The following MTFR2 variants were observed in gnomAD, a reference collection of about 807,000 sequenced individuals.
MTFR2 encodes DUF729 domain-containing protein 1.
A neutral mutation model predicts 41.2 loss-of-function variants in MTFR2; 44 were observed. The ratio of observed to expected loss-of-function variants is 1.07; its 90% CI spans 0.84 to 1.37. MTFR2 has a LOEUF of 1.37. Ranked by LOEUF, MTFR2 falls within the 40% of genes most tolerant of loss-of-function variation. MTFR2 has a pLI of 0.00. For missense variants in MTFR2, 452 were observed against 459.5 expected (o/e 0.98, Z 0.15); for synonymous variants, 141 against 154.6 (o/e 0.91, Z 0.65).
At position 136,231,310 on chromosome 6, in the gene MTFR2, T is replaced by C. The variant is rs1779748041; in HGVS notation, c.1123A>G (p.Ile375Val). 1 of 1,612,936 alleles carries C rather than the reference T, an allele frequency of 6.2e-7. No individual in the cohort carries two copies. Among genetic ancestry groups the C allele is most frequent in the East Asian group, 2.2e-5 (1 of 44,842 alleles). The change falls in exon 8 of 8, where the codon ATC becomes GTC. Residue 375 changes from isoleucine to valine, a missense_variant. Ile to Val is a conservative substitution (Grantham distance 29). Coordinates refer to ENST00000420702, the MANE Select transcript of MTFR2 (RefSeq NM_001099286.3). ...GAGTTTAGAAGGCTTGTGTTGCTGATACCTTGGTCAACAGCTTTTGTGTTG... is the reference window on the plus strand; with the variant it reads ...GAGTTTAGAAGGCTTGTGTTGCTGACACCTTGGTCAACAGCTTTTGTGTTG... ...MVNTKAVDQG[I>V]SNTSLLNSRI
intron 3 of MTFR2, among the ~76,000 whole-genome samples, chr6:136,243,688 G>C (rs927559322): frequency 6.7e-6 from 1 of 149,898 alleles, no homozygotes; most frequent in African/African-American, 2.5e-5. Context: ...ACTTCGTTCA[G>C]CCTGGGCGAC....
rs999871288 is a variant in MTFR2, at chr6:136,241,807, A to G, written c.282-131T>C. The G allele has an allele frequency of 4.9e-5, 35 of 711,218 alleles. No individual in the cohort carries two copies. In the African/African-American group the frequency reaches 5.7e-4, roughly 12 times the overall value. 44.1% of individuals were successfully genotyped at this position (711,218 alleles called of 1,614,324 possible). ...TAAAAGCTACTCTCAGGCCGGGCAC[A>G]GTGGCTCACACCTGTAATCCCAACA... On this transcript the variant is annotated intron_variant, in intron 4 of 7. Coordinates refer to ENST00000420702, the MANE Select transcript of MTFR2 (RefSeq NM_001099286.3).
At chr6:136,246,637 A>G (rs2128459470) in intron 2 of MTFR2, among the ~76,000 whole-genome samples, 1 of 152,150 alleles carries the variant, frequency 6.6e-6, no homozygotes, top group South Asian at 2.1e-4. Context: ...TAGTACCCAC[A>G]TTTTGACTTT....
intron 2 of MTFR2, among the ~76,000 whole-genome samples, chr6:136,245,919 T>C (rs1780201150): frequency 6.6e-6 from 1 of 152,196 alleles, no homozygotes. Flanking sequence ...AATTCAGATA[T>C]TTTGAGTACT....
At chr6:136,240,016 G>A (rs1780014214) in intron 5 of MTFR2, among the ~76,000 whole-genome samples, 196 bp from the exon 6 acceptor site, 2 of 152,124 alleles carry the variant, frequency 1.3e-5, no homozygotes, top group African/African-American at 4.8e-5. Flanking sequence ...TTTTAATCCA[G>A]TTAGGAATTT....
intron 1 of MTFR2, 82 bp from the exon 2 acceptor site, chr6:136,249,235 T>A (rs1780298050): frequency 1.7e-6 from 1 of 576,962 alleles, no homozygotes; most frequent in African/African-American, 2.0e-5. Context: ...GTCCTCTTGA[T>A]ACACGACACA....
intron 7 of MTFR2, among the ~76,000 whole-genome samples, chr6:136,232,544 G>A (rs765975188): frequency 3.9e-5 from 6 of 152,020 alleles, no homozygotes; most frequent in Non-Finnish European, 7.4e-5. Context: ...GACCACGCCC[G>A]GCCCTGTTAC....
At chr6:136,232,861 A>C (rs1175721051) in intron 7 of MTFR2, among the ~76,000 whole-genome samples, 1 of 152,250 alleles carries the variant, frequency 6.6e-6, no homozygotes, top group Non-Finnish European at 1.5e-5. Flanking sequence ...ACTAAAGATA[A>C]CTATAATCCC....
chr6:136,231,386 A>C lies in MTFR2; in HGVS notation c.1047T>G (p.Phe349Leu), dbSNP rs780855809. 1 of 1,582,906 alleles carries C rather than the reference A, an allele frequency of 6.3e-7. No individual in the cohort carries two copies. Among genetic ancestry groups the C allele is most frequent in the African/African-American group, 1.4e-5 (1 of 73,850 alleles). The change falls in exon 8 of 8, where the codon TTT (phenylalanine) becomes TTG (leucine). Residue 349 changes from phenylalanine to leucine, a missense_variant and splice_region_variant. Coordinates refer to ENST00000420702, the MANE Select transcript of MTFR2 (RefSeq NM_001099286.3). ...CTTCTGACTGTGAAATGTGATGTCC[A>C]AACTGAAATAAAGCAAATATTTAAC... ...SPFSSPETSR[F>L]GHHISQSEGQ...
chr6:136,244,847 T>G lies in MTFR2; in HGVS notation c.86A>C (p.Lys29Thr). The change falls in exon 3 of 8, where the codon AAA becomes ACA. Residue 29 changes from lysine (K) to threonine (T), a missense_variant. Lys to Thr is a moderately conservative substitution (Grantham distance 78, BLOSUM62 -1). Coordinates refer to ENST00000420702, the MANE Select transcript of MTFR2 (RefSeq NM_001099286.3). ...VEQVLLIWEN[K>T]DYGSTRSIVR... ...AATACTCCTAGTTGATCCATAGTCT[T>G]TATTTTCCCAAATCAGCAAAACCTA... 6.2e-7 allele frequency: 1 copy of G among 1,610,676 alleles called. No homozygotes were observed. The highest frequency in any genetic ancestry group is 8.5e-7 in the Non-Finnish European group (1 of 1,178,726).
chr6:136,237,302 T>C (rs1779931969), intron 6 of MTFR2, among the ~76,000 whole-genome samples: 1 of 152,190 alleles, frequency 6.6e-6, no homozygotes, highest in East Asian at 1.9e-4. Flanking sequence ...TGCCTCATTT[T>C]AAATAAGAAT....
Position 136,244,787 on chromosome 6 carries a change from G to A in MTFR2, c.146C>T (p.Pro49Leu), listed in dbSNP as rs1449450836. ...TACCTCAAAATTAGGTCTTCGACAA[G>A]GTTCCAGTGGAAGCATTTTCCCAAT... ...RIIGKMLPLE[P>L]CRRPNFELIP... The change falls in exon 3 of 8, where the codon CCT becomes CTT. Residue 49 changes from proline to leucine, a missense_variant. Transcript: ENST00000420702. The A allele has an allele frequency of 1.2e-6, 2 of 1,611,856 alleles. No individual in the cohort carries two copies. The highest frequency in any genetic ancestry group is 3.3e-5 in the Admixed American group (2 of 59,752).
chr6:136,245,072 A>C (rs1040655091), intron 2 of MTFR2, among the ~76,000 whole-genome samples: 1 of 152,160 alleles, frequency 6.6e-6, no homozygotes, highest in Non-Finnish European at 1.5e-5. Flanking sequence ...CTTTGTGAGT[A>C]TTTGTCTTAA....
At chr6:136,233,183 C>A in intron 7 of MTFR2, 142 bp downstream of exon 7, 4 of 590,008 alleles carry the variant, frequency 6.8e-6, no homozygotes, top group South Asian at 3.9e-5. Flanking sequence ...ACAAAAAAAC[C>A]CCAGAAACAT....
chr6:136,241,648 T>C lies in MTFR2; in HGVS notation c.310A>G (p.Lys104Glu). ...CGCAAAGGATGAAAAATTTCCACTT[T>C]CTCTTCTTCATTTTTCCATATACTA... Reference protein sequence around the residue: ...RNSIWKNEEEKVEIFHPLRLV... With the variant: ...RNSIWKNEEEEVEIFHPLRLV... The change falls in exon 5 of 8, where the codon AAA (lysine) becomes GAA (glutamate). Residue 104 changes from lysine (K) to glutamate (E), a missense_variant. By Grantham distance (56) the Lys-to-Glu change is moderately conservative. Coordinates refer to ENST00000420702, the MANE Select transcript of MTFR2 (RefSeq NM_001099286.3). 2 of 1,612,588 alleles carry C rather than the reference T, an allele frequency of 1.2e-6. No homozygotes were observed. Among genetic ancestry groups the C allele is most frequent in the Non-Finnish European group, 1.7e-6 (2 of 1,179,700 alleles).
intron 6 of MTFR2, among the ~76,000 whole-genome samples, chr6:136,235,652 G>A (rs1332269189): frequency 6.6e-6 from 1 of 152,186 alleles, no homozygotes; most frequent in Non-Finnish European, 1.5e-5. Context: ...AAGTGCTCCA[G>A]GCTAGGCGCA....
intron 2 of MTFR2, chr6:136,247,487 T>C (rs1167408622): frequency 2.2e-6 from 1 of 456,200 alleles, no homozygotes; most frequent in Non-Finnish European, 4.4e-6. Flanking sequence ...CTCAATCCTC[T>C]CTCATGTGGA....
In MTFR2 at chr6:136,231,335, G is replaced by C. The variant is rs1306314530; in HGVS notation, c.1098C>G (p.Val366=). 1.2e-6 allele frequency: 2 copies of C among 1,612,578 alleles called. No homozygotes were observed. Among genetic ancestry groups the C allele is most frequent in the Non-Finnish European group, 8.5e-7 (1 of 1,179,564 alleles). The change falls in exon 8 of 8, where the codon GTC becomes GTG. Residue 366 remains valine, a synonymous_variant. Coordinates refer to ENST00000420702, the MANE Select transcript of MTFR2 (RefSeq NM_001099286.3). ...TACCTTGGTCAACAGCTTTTGTGTT[G>C]ACCATTTCTTCTTTAGTTCGCTGTC... The part of the protein sequence containing the change: ...SEGQRTKEEM[V]NTKAVDQGIS...
Position 136,240,856 on chromosome 6 carries a change from C to G in MTFR2, c.514+588G>C, listed in dbSNP as rs1216655676. 9.2e-5 allele frequency among the ~76,000 whole-genome samples: 14 copies of G among 152,232 alleles called. No individual in the cohort carries two copies. In the East Asian group the frequency reaches 1.5e-3, roughly 17 times the overall value. On this transcript the variant is annotated intron_variant, in intron 5 of 7. Transcript: ENST00000420702. Reference sequence around the variant, plus strand: ...CCTGTAATCCCAGCACTTTGGGAGGCCAAGGCGGGCAGATCACGAGGTCAG... The same window carrying G: ...CCTGTAATCCCAGCACTTTGGGAGGGCAAGGCGGGCAGATCACGAGGTCAG...
Sources: allele counts gnomAD v4.1 joint callset (sites outside exome capture counted in the v4.1 genomes callset), GRCh38; gene constraint gnomAD v4.1.1; transcripts MANE v1.5; gene names NCBI Gene and HGNC (gene_info 2026-07-23, HGNC 2026-07-21).